The following GOLGB1 variants were observed in gnomAD, a reference collection of about 807,000 sequenced individuals.
GOLGB1 encodes golgin subfamily B member 1.
GOLGB1 carries 174 observed loss-of-function variants against 336.9 expected under a neutral mutation model. That is an observed-to-expected ratio of 0.52 (90% CI 0.46 to 0.59). The LOEUF (loss-of-function observed/expected upper bound fraction) is 0.59, where lower values mean the gene tolerates loss of function less well. GOLGB1 is among the 20% of genes least tolerant of loss of function. The probability of loss-of-function intolerance (pLI) is 0.00; values close to 1 mark genes in which losing one functional copy is unlikely to be tolerated. For missense variants in GOLGB1, 3,331 were observed against 3,645.3 expected (o/e 0.91, Z 2.22); for synonymous variants, 1,208 against 1,289.2 (o/e 0.94, Z 1.35).
intron 2 of GOLGB1, 84 bp from the exon 3 acceptor site, chr3:121,730,101 G>C: frequency 4.6e-6 from 4 of 867,038 alleles, no homozygotes; most frequent in Non-Finnish European, 7.2e-6. Context: ...AACTTTTTAT[G>C]TTTTGCCCAA....
chr3:121,695,210 A>G lies in GOLGB1; in HGVS notation c.5313T>C (p.Asn1771=), dbSNP rs767223141. 3.7e-6 allele frequency: 6 copies of G among 1,612,844 alleles called. No individual in the cohort carries two copies. The highest frequency in any genetic ancestry group is 1.1e-5 in the South Asian group (1 of 91,028). The change falls in exon 13 of 22, where the codon AAT becomes AAC. Residue 1771 remains asparagine, a synonymous_variant. Transcript: ENST00000614479. ...CCTCTAGGTTAGCTTGTTTAGATAC[A>G]TTACCTTCTATCTGATGCTTTAAAT... ...VQDLKHQIEG[N]VSKQANLEAT...
chr3:121,706,267 G>T (rs1025668311), intron 10 of GOLGB1, among the ~76,000 whole-genome samples: 1 of 151,878 alleles, frequency 6.6e-6, no homozygotes, highest in South Asian at 2.1e-4. Flanking sequence ...ACTAATTCAC[G>T]GCAGAAAATC....
At chr3:121,688,120 C>T (rs1317948513) in intron 14 of GOLGB1, among the ~76,000 whole-genome samples, 3 of 152,172 alleles carry the variant, frequency 2.0e-5, no homozygotes, top group Non-Finnish European at 4.4e-5. Context: ...GGGTAATAAT[C>T]TTTTCACTAG....
rs376514682 is a variant in GOLGB1, at chr3:121,716,849, A to G, written c.1176T>C (p.Thr392=). The G allele has an allele frequency of 1.2e-6, 2 of 1,613,718 alleles. No individual in the cohort carries two copies. Among genetic ancestry groups the G allele is most frequent in the Non-Finnish European group, 1.7e-6 (2 of 1,179,636 alleles). ...KTSHILSLQK[T]GQELQSACDA... ...CACAGGCAGACTGCAGCTCTTGTCC[A>G]GTCTTTTGAAGACTCAAAATATGAG... The change falls in exon 9 of 22, where the codon ACT becomes ACC. Residue 392 remains threonine, a synonymous_variant. Transcript: ENST00000614479.
intron 14 of GOLGB1, among the ~76,000 whole-genome samples, chr3:121,685,387 T>C (rs1356216972): frequency 6.6e-6 from 1 of 151,834 alleles, no homozygotes; most frequent in Non-Finnish European, 1.5e-5. Flanking sequence ...ATACAAAAAT[T>C]AGCCGGGCAA....
chr3:121,698,050 C>T lies in GOLGB1; in HGVS notation c.2473G>A (p.Asp825Asn), dbSNP rs1460356021. 3 of 1,614,056 alleles carry T rather than the reference C, an allele frequency of 1.9e-6. No individual in the cohort carries two copies. The highest frequency in any genetic ancestry group is 1.7e-5 in the Admixed American group (1 of 60,012). ...TCAGAAAACTGAAGCTGCACATCATCCAGTTCATTCTGTAAAACTTCAATT... is the reference window on the plus strand; with the variant it reads ...TCAGAAAACTGAAGCTGCACATCATTCAGTTCATTCTGTAAAACTTCAATT... ...VKIEVLQNEL[D>N]DVQLQFSEQS... is the part of the protein sequence containing the mutation. The change falls in exon 13 of 22, where the codon GAT becomes AAT. Residue 825 changes from aspartate to asparagine, a missense_variant. Physicochemically the swap from Asp to Asn is conservative, Grantham distance 23 (BLOSUM62 1). Coordinates refer to ENST00000614479, the MANE Select transcript of GOLGB1 (RefSeq NM_001366282.2).
At chr3:121,732,188 A>G (rs1011479516) in intron 1 of GOLGB1, among the ~76,000 whole-genome samples, 3 of 152,156 alleles carry the variant, frequency 2.0e-5, no homozygotes, top group Admixed American at 2.0e-4. Context: ...ACACACACAC[A>G]TATATATACA....
intron 14 of GOLGB1, among the ~76,000 whole-genome samples, chr3:121,684,065 T>C (rs1198099051): frequency 7.1e-6 from 1 of 140,256 alleles, no homozygotes; most frequent in East Asian, 2.1e-4. Flanking sequence ...GAGGCGGAGG[T>C]TGCAGTAAGC....
At chr3:121,747,380 T>C in intron 1 of GOLGB1, among the ~76,000 whole-genome samples, 1 of 145,996 alleles carries the variant, frequency 6.8e-6, no homozygotes. Flanking sequence ...TATATGTCTA[T>C]ATACGTATAT....
intron 1 of GOLGB1, among the ~76,000 whole-genome samples, chr3:121,738,435 G>A (rs898400725): frequency 2.6e-5 from 4 of 152,084 alleles, no homozygotes; most frequent in African/African-American, 9.7e-5. Flanking sequence ...CAAAATAAAC[G>A]TGGATATAGA....
In GOLGB1 at chr3:121,694,408, T is replaced by C; in HGVS notation, c.6115A>G (p.Lys2039Glu). The change falls in exon 13 of 22, where the codon AAA (lysine) becomes GAA (glutamate). Residue 2039 changes from lysine (K) to glutamate (E), a missense_variant. Physicochemically the swap from Lys to Glu is moderately conservative, Grantham distance 56. Transcript: ENST00000614479. ...LQKDCIRYQEKISALERTVKA... is the reference protein window; with the variant it reads ...LQKDCIRYQEEISALERTVKA... Reference sequence around the variant, plus strand: ...ACAGTTCTCTCCAGAGCACTAATTTTCTCTTGATACCTGATGCAGTCCTTC... The same window carrying C: ...ACAGTTCTCTCCAGAGCACTAATTTCCTCTTGATACCTGATGCAGTCCTTC... 6.2e-7 allele frequency: 1 copy of C among 1,613,218 alleles called. No homozygotes were observed. The highest frequency in any genetic ancestry group is 1.7e-5 in the Admixed American group (1 of 60,028).
intron 5 of GOLGB1, 71 bp from the exon 6 acceptor site, chr3:121,722,449 A>T: frequency 1.2e-6 from 1 of 807,548 alleles, no homozygotes; most frequent in Non-Finnish European, 2.1e-6. Flanking sequence ...TAATTCTTTG[A>T]CCTCCCTTTC....
At chr3:121,675,434 A>T (rs1402115199) in intron 17 of GOLGB1, among the ~76,000 whole-genome samples, 1 of 152,228 alleles carries the variant, frequency 6.6e-6, no homozygotes, top group East Asian at 1.9e-4. Context: ...AGAAGCCCAA[A>T]TGTCCTTCAA....
At chr3:121,700,967 T>C (rs1330847702) in intron 11 of GOLGB1, among the ~76,000 whole-genome samples, 6 of 152,132 alleles carry the variant, frequency 3.9e-5, no homozygotes, top group African/African-American at 1.2e-4. Flanking sequence ...AATATGTTCA[T>C]AGCTATATAC....
intron 17 of GOLGB1, among the ~76,000 whole-genome samples, chr3:121,674,441 T>C (rs903705045): frequency 3.9e-5 from 6 of 152,364 alleles, no homozygotes; most frequent in African/African-American, 1.4e-4. Flanking sequence ...CCTAATACAA[T>C]ACAAATGCTA....
intron 15 of GOLGB1, 29 bp downstream of exon 15, chr3:121,681,658 A>G (rs756014887): frequency 1.4e-6 from 2 of 1,441,622 alleles, no homozygotes; most frequent in Non-Finnish European, 1.9e-6. Context: ...AAATGAAAAG[A>G]GTTGAAAAGG....
chr3:121,735,889 G>A (rs927300327), intron 1 of GOLGB1, among the ~76,000 whole-genome samples: 2 of 152,082 alleles, frequency 1.3e-5, no homozygotes, highest in African/African-American at 4.8e-5. Flanking sequence ...AGGAACTAGG[G>A]CTCCTTGGAG....
Position 121,698,334 on chromosome 3 carries a change from A to G in GOLGB1, c.2189T>C (p.Ile730Thr). 1 of 1,613,870 alleles carries G rather than the reference A, an allele frequency of 6.2e-7. No individual in the cohort carries two copies. Among genetic ancestry groups the G allele is most frequent in the Non-Finnish European group, 8.5e-7 (1 of 1,179,866 alleles). ...AKEISNLNQL[I>T]EEFKKNADNN... is the part of the protein sequence containing the mutation. ...GTCAGCATTTTTCTTAAACTCCTCA[A>G]TCAACTGGTTTAGGTTGCTAATTTC... The change falls in exon 13 of 22, where the codon ATT becomes ACT. Residue 730 changes from isoleucine to threonine, a missense_variant. By Grantham distance (89) the Ile-to-Thr change is moderately conservative. Coordinates refer to ENST00000614479, the MANE Select transcript of GOLGB1 (RefSeq NM_001366282.2).
chr3:121,715,186 A>G (rs1056026272), intron 9 of GOLGB1, among the ~76,000 whole-genome samples: 4 of 151,568 alleles, frequency 2.6e-5, no homozygotes, highest in Non-Finnish European at 2.9e-5. Flanking sequence ...CAAAAGTAAA[A>G]TAAAATAGGC....
Sources: gnomAD v4.1 joint callset for allele counts (sites outside exome capture counted in the v4.1 genomes callset) on GRCh38, gnomAD v4.1.1 for gene constraint, MANE v1.5 for transcripts, NCBI Gene and HGNC (gene_info 2026-07-23, HGNC 2026-07-21) for gene names.